Variants in TPRG1 observed in about 807,000 individuals in gnomAD.
TPRG1 encodes the protein tumor protein p63-regulated gene 1 protein.
TPRG1 carries 29 observed loss-of-function variants against 29.3 expected under a neutral mutation model. That is an observed-to-expected ratio of 0.99 (90% confidence interval 0.74 to 1.35). The LOEUF is 1.35. TPRG1 is among the 40% of genes most tolerant of loss of function. TPRG1 has a pLI of 0.00. For missense variants in TPRG1, 327 were observed against 335.0 expected, an observed-to-expected ratio of 0.98 and a Z score of 0.19; for synonymous variants, 130 against 116.8, an observed-to-expected ratio of 1.11 and a Z score of -0.73.
chr3:189,019,518 A>G (rs1331433442), intron 3 of TPRG1, among the ~76,000 whole-genome samples: 1 of 152,174 alleles, frequency 6.6e-6, no homozygotes, highest in African/African-American at 2.4e-5. Flanking sequence ...GGCTCTGTTT[A>G]TATGCTGGAT....
At chr3:189,258,659 C>A (rs1236920153) in intron 4 of TPRG1, among the ~76,000 whole-genome samples, 1 of 152,176 alleles carries the variant, frequency 6.6e-6, no homozygotes, top group Non-Finnish European at 1.5e-5. Context: ...TATCTATAAG[C>A]CCCTGATTGG....
At chr3:189,227,195 G>C (rs1305114007) in intron 3 of TPRG1, among the ~76,000 whole-genome samples, 1 of 152,024 alleles carries the variant, frequency 6.6e-6, no homozygotes, top group Non-Finnish European at 1.5e-5. Flanking sequence ...GCAGACAGTG[G>C]TTCATGCCTG....
chr3:189,237,688 T>A (rs1739748844), intron 3 of TPRG1, among the ~76,000 whole-genome samples: 1 of 152,076 alleles, frequency 6.6e-6, no homozygotes, highest in African/African-American at 2.4e-5. Context: ...TTTAATAAAG[T>A]GAACAAGGAG....
chr3:189,022,783 T>C (rs938424754), intron 3 of TPRG1, among the ~76,000 whole-genome samples: 1 of 152,210 alleles, frequency 6.6e-6, no homozygotes, highest in Non-Finnish European at 1.5e-5. Context: ...GCTGCTTTGT[T>C]TACCTAATCA....
chr3:189,202,902 T>A (rs1471329375), intron 1 of TPRG1, among the ~76,000 whole-genome samples: 1 of 152,114 alleles, frequency 6.6e-6, no homozygotes, highest in East Asian at 1.9e-4. Context: ...AGTGCATGAG[T>A]TTGATGGCCG....
intron 1 of TPRG1, among the ~76,000 whole-genome samples, chr3:189,173,963 G>A (rs752138174): frequency 1.3e-4 from 20 of 152,050 alleles, no homozygotes; most frequent in Non-Finnish European, 2.8e-4. Context: ...TATTTGCTTC[G>A]GCCAAATGTT....
At chr3:189,109,391 C>T (rs7619993) in intron 1 of TPRG1, among the ~76,000 whole-genome samples, 4,844 of 152,246 alleles carry the variant, frequency 0.032, 179 homozygotes, top group African/African-American at 0.085. Context: ...TGTAATCGCT[C>T]ATATGTCCTG....
intron 4 of TPRG1, among the ~76,000 whole-genome samples, chr3:189,280,293 A>G (rs1427831483): frequency 1.4e-5 from 2 of 142,640 alleles, no homozygotes; most frequent in Non-Finnish European, 2.9e-5. Flanking sequence ...GAATGGATAT[A>G]TATAAATGAA....
intron 3 of TPRG1, among the ~76,000 whole-genome samples, chr3:189,143,610 G>A (rs2108575120): frequency 6.6e-6 from 1 of 152,312 alleles, no homozygotes; most frequent in Non-Finnish European, 1.5e-5. Flanking sequence ...CAGGTAGCCT[G>A]AGAACCCACA....
intron 3 of TPRG1, among the ~76,000 whole-genome samples, chr3:189,231,359 TA>T: frequency 6.6e-6 from 1 of 152,000 alleles, no homozygotes; most frequent in East Asian, 1.9e-4. Flanking sequence ...AAATATTTTG[TA>T]TATCCGAAAA....
intron 1 of TPRG1, among the ~76,000 whole-genome samples, chr3:189,185,483 C>T (rs376712613): frequency 2.0e-5 from 3 of 152,208 alleles, no homozygotes; most frequent in East Asian, 1.9e-4. Context: ...ATCTCGGCCT[C>T]CCAAAGCACT....
intron 4 of TPRG1, among the ~76,000 whole-genome samples, chr3:189,081,233 G>A (rs1325766709): frequency 6.6e-6 from 1 of 152,150 alleles, no homozygotes; most frequent in East Asian, 1.9e-4. Context: ...AAGGTCATCA[G>A]TAGGCCATGA....
intron 4 of TPRG1, among the ~76,000 whole-genome samples, chr3:189,245,915 T>C (rs1323935851): frequency 6.6e-6 from 1 of 152,200 alleles, no homozygotes; most frequent in African/African-American, 2.4e-5. Context: ...TGAAGTATTC[T>C]TTATTTCTGG....
Position 189,137,772 on chromosome 3 carries a change from G to A in TPRG1, c.-291+5075G>A, listed in dbSNP as rs148418209. 4.7e-3 allele frequency among the ~76,000 whole-genome samples: 717 copies of A among 152,202 alleles called. 4 individuals are homozygous for A. Among genetic ancestry groups the A allele is most frequent in the African/African-American group, 0.016 (677 of 41,510 alleles). ...CACGTGAGCATCCTTCCCCCTTCTC[G>A]TGTCTCTGTATGTAGCCAGTATAGG... On this transcript the variant is annotated intron_variant, in intron 3 of 6. Coordinates refer to the TPRG1 transcript ENST00000412373.
At chr3:189,196,899 G>T (rs949031951) in intron 1 of TPRG1, among the ~76,000 whole-genome samples, 10 of 152,160 alleles carry the variant, frequency 6.6e-5, no homozygotes, top group African/African-American at 2.4e-4. Flanking sequence ...TACTTTCCAT[G>T]AATTTTATAA....
At chr3:189,274,109 A>AT (rs59663016) in intron 4 of TPRG1, among the ~76,000 whole-genome samples, 35,424 of 145,880 alleles carry the variant, frequency 0.24, 6,249 homozygotes, top group African/African-American at 0.51. Context: ...CGGAACCCAG[A>AT]TTTTTTTTTT....
intron 4 of TPRG1, among the ~76,000 whole-genome samples, chr3:189,092,577 G>A (rs1718410209): frequency 6.6e-6 from 1 of 151,432 alleles, no homozygotes. Context: ...AAAATGCTTG[G>A]TTGTCAGAGT....
Position 189,004,987 on chromosome 3 carries a change from T to C in TPRG1, c.-660+227T>C, listed in dbSNP as rs188441189. Among the ~76,000 whole-genome samples the C allele has an allele frequency of 8.3e-4, 126 of 152,150 alleles. 1 individual carries two copies. Among genetic ancestry groups the C allele is most frequent in the African/African-American group, 3.0e-3 (124 of 41,518 alleles). ...TGGAACTGGAAATCATTATGTTAAG[T>C]GAAATAAGCCAGTCACAGAAAGACA... is the stretch of plus-strand genomic sequence containing the variant. On this transcript the variant is annotated intron_variant, in intron 3 of 10. Coordinates refer to the TPRG1 transcript ENST00000433971.
chr3:189,004,268 T>TA (rs952110937), intron 2 of TPRG1, among the ~76,000 whole-genome samples: 12 of 151,962 alleles, frequency 7.9e-5, no homozygotes, highest in African/African-American at 2.7e-4. Flanking sequence ...AAATTAAAGT[T>TA]AAAAAAAATA....
Sources: gnomAD v4.1 joint callset for allele counts (sites outside exome capture counted in the v4.1 genomes callset) on GRCh38, gnomAD v4.1.1 for gene constraint, MANE v1.5 for transcripts, NCBI Gene and HGNC (gene_info 2026-07-23, HGNC 2026-07-21) for gene names.